CFAP299: variants seen among roughly 807,000 people sequenced by gnomAD.
CFAP299 encodes cilia and flagella associated protein 299, also known as cilia- and flagella-associated protein 299.
In CFAP299, 21 loss-of-function variants were observed where a neutral mutation model predicts 27.0. The observed-to-expected ratio is 0.78, with a 90% CI of 0.55 to 1.12. CFAP299 has a LOEUF of 1.12. CFAP299 is among the 50% of genes most tolerant of loss of function. The pLI is 0.00. For synonymous variants in CFAP299, 104 were observed against 98.1 expected, an observed-to-expected ratio of 1.06 and a Z score of -0.36; for missense variants, 310 against 276.6, an observed-to-expected ratio of 1.12 and a Z score of -0.86.
At chr4:80,504,904 GAT>G (rs932940558) in intron 2 of CFAP299, among the ~76,000 whole-genome samples, 3 of 147,594 alleles carry the variant, frequency 2.0e-5, no homozygotes, top group African/African-American at 4.9e-5. Flanking sequence ...TCATATATAT[GAT>G]ATATATATTA....
At chr4:80,910,118 T>C (rs953297518) in intron 4 of CFAP299, among the ~76,000 whole-genome samples, 3 of 152,260 alleles carry the variant, frequency 2.0e-5, no homozygotes, top group Non-Finnish European at 4.4e-5. Context: ...ATCTAAACTT[T>C]ACCCCAGAAT....
intron 5 of CFAP299, among the ~76,000 whole-genome samples, chr4:80,949,556 AAG>A (rs1491095155): frequency 1.3e-4 from 19 of 151,684 alleles, no homozygotes; most frequent in African/African-American, 4.6e-4. Flanking sequence ...CAAAAAAAAA[AAG>A]AAGCAGGATC....
At chr4:80,539,295 G>A (rs546303088) in intron 2 of CFAP299, among the ~76,000 whole-genome samples, 5 of 152,260 alleles carry the variant, frequency 3.3e-5, no homozygotes, top group African/African-American at 1.2e-4. Flanking sequence ...TTTGAAAGAA[G>A]AATTAATTGC....
chr4:80,739,137 G>GT (rs1376676678), intron 3 of CFAP299, among the ~76,000 whole-genome samples: 1 of 151,952 alleles, frequency 6.6e-6, no homozygotes, highest in Non-Finnish European at 1.5e-5. Flanking sequence ...AGTTGTTTTA[G>GT]TTATTGGTTT....
intron 2 of CFAP299, chr4:80,386,152 C>T: frequency 1.8e-6 from 1 of 566,612 alleles, no homozygotes; most frequent in Non-Finnish European, 2.9e-6. Context: ...ATCAGGCCTT[C>T]CCAGGAAACG....
At chr4:80,512,938 A>G (rs1732391994) in intron 2 of CFAP299, among the ~76,000 whole-genome samples, 1 of 152,138 alleles carries the variant, frequency 6.6e-6, no homozygotes, top group East Asian at 1.9e-4. Flanking sequence ...ACATGTTTTT[A>G]AAGTAATTTA....
chr4:80,435,994 G>T (rs993727801), intron 2 of CFAP299, among the ~76,000 whole-genome samples: 2 of 152,092 alleles, frequency 1.3e-5, no homozygotes, highest in African/African-American at 4.8e-5. Context: ...TTTCAGCTGG[G>T]TGCAGTAATT....
chr4:80,653,197 C>T (rs1370556895), intron 3 of CFAP299, among the ~76,000 whole-genome samples: 1 of 152,066 alleles, frequency 6.6e-6, no homozygotes, highest in Non-Finnish European at 1.5e-5. Context: ...TATCCAAAAC[C>T]TCCTCTTTCT....
At chr4:80,861,822 C>A (rs1732388184) in intron 3 of CFAP299, among the ~76,000 whole-genome samples, 1 of 151,944 alleles carries the variant, frequency 6.6e-6, no homozygotes, top group African/African-American at 2.4e-5. Flanking sequence ...AGCATAAAAC[C>A]CATCTTTTCT....
At chr4:80,380,263 A>G (rs1029101008) in intron 2 of CFAP299, among the ~76,000 whole-genome samples, 6 of 152,122 alleles carry the variant, frequency 3.9e-5, no homozygotes, top group Non-Finnish European at 8.8e-5. Context: ...TTGAGCCTAA[A>G]ATACATTTAC....
chr4:80,352,793 T>A (rs1010108005), intron 1 of CFAP299, among the ~76,000 whole-genome samples: 1 of 151,822 alleles, frequency 6.6e-6, no homozygotes, highest in Non-Finnish European at 1.5e-5. Context: ...ATTTGGATAA[T>A]AAACAACATA....
At chr4:80,815,303 G>GTA (rs750939144) in intron 3 of CFAP299, among the ~76,000 whole-genome samples, 111 of 151,672 alleles carry the variant, frequency 7.3e-4, no homozygotes, top group African/African-American at 2.6e-3. Context: ...GCTGAGATAT[G>GTA]TATATATATA....
At chr4:80,871,529 G>A in intron 4 of CFAP299, 2 of 985,310 alleles carry the variant, frequency 2.0e-6, no homozygotes, top group Non-Finnish European at 2.4e-6. Flanking sequence ...TTTAATTCCT[G>A]AAGCCTGCTA....
chr4:80,678,071 T>C (rs925889098), intron 3 of CFAP299, among the ~76,000 whole-genome samples: 1 of 152,030 alleles, frequency 6.6e-6, no homozygotes, highest in Non-Finnish European at 1.5e-5. Flanking sequence ...TCAATCTAGT[T>C]GTAATACATT....
chr4:80,386,299 G>C (rs1402212625), intron 2 of CFAP299: 1 of 1,267,166 alleles, frequency 7.9e-7, no homozygotes, highest in African/African-American at 1.5e-5. Flanking sequence ...GGTACCACCA[G>C]CTCAGATTCT....
chr4:80,860,881 C>T (rs1194048349), intron 3 of CFAP299, among the ~76,000 whole-genome samples: 1 of 152,200 alleles, frequency 6.6e-6, no homozygotes, highest in Non-Finnish European at 1.5e-5. Context: ...CTTGAGGAGG[C>T]AGTCTGCCCA....
chr4:80,823,159 G>A (rs898652658), intron 3 of CFAP299, among the ~76,000 whole-genome samples: 9 of 152,188 alleles, frequency 5.9e-5, no homozygotes, highest in Non-Finnish European at 8.8e-5. Flanking sequence ...CATGCCCTTG[G>A]TCTCCTCAGG....
At chr4:80,550,606 A>T (rs190348967) in intron 2 of CFAP299, among the ~76,000 whole-genome samples, 2 of 152,112 alleles carry the variant, frequency 1.3e-5, no homozygotes, top group African/African-American at 4.8e-5. Context: ...ATTGAAAATG[A>T]TGTTAGAGTT....
intron 4 of CFAP299, among the ~76,000 whole-genome samples, chr4:80,937,308 C>CTTTT (rs1736948672): frequency 1.1e-5 from 1 of 90,818 alleles, no homozygotes; most frequent in Admixed American, 1.1e-4. Flanking sequence ...CTTTTTTTTT[C>CTTTT]TTTCTTTTTT....
Sources: gnomAD v4.1 joint callset for allele counts (sites outside exome capture counted in the v4.1 genomes callset) on GRCh38, gnomAD v4.1.1 for gene constraint, MANE v1.5 for transcripts, NCBI Gene and HGNC (gene_info 2026-07-23, HGNC 2026-07-21) for gene names.